The following TCERG1L variants were observed in gnomAD, a reference collection of about 807,000 sequenced individuals.
TCERG1L encodes transcription elongation regulator 1 like.
A neutral mutation model predicts 56.3 loss-of-function variants in TCERG1L; 37 were observed. The observed-to-expected ratio is 0.66, with a 90% CI of 0.51 to 0.87. The LOEUF is 0.87. Among genes scored for constraint, TCERG1L ranks in the 40% least tolerant of loss-of-function variants. The pLI is 0.00. For synonymous variants in TCERG1L, 324 were observed against 326.3 expected, an observed-to-expected ratio of 0.99 and a Z score of 0.08; for missense variants, 799 against 774.2, an observed-to-expected ratio of 1.03 and a Z score of -0.38.
At chr10:131,152,364 A>G (rs1482386490) in intron 6 of TCERG1L, among the ~76,000 whole-genome samples, 1 of 152,194 alleles carries the variant, frequency 6.6e-6, no homozygotes, top group Admixed American at 6.5e-5. Context: ...GTCTCTGCTA[A>G]AGCATAGCAA....
At chr10:131,265,591 T>G (rs1366707548) in intron 3 of TCERG1L, among the ~76,000 whole-genome samples, 1 of 152,214 alleles carries the variant, frequency 6.6e-6, no homozygotes, top group Non-Finnish European at 1.5e-5. Flanking sequence ...ACCACCACAA[T>G]AACGCAAATA....
intron 4 of TCERG1L, among the ~76,000 whole-genome samples, chr10:131,252,063 TC>T (rs1371029836): frequency 6.6e-6 from 1 of 152,218 alleles, no homozygotes; most frequent in Non-Finnish European, 1.5e-5. Flanking sequence ...TCAAGGTTCT[TC>T]CATGCTGAAG....
chr10:131,117,833 C>G (rs1845474640), intron 8 of TCERG1L, among the ~76,000 whole-genome samples: 1 of 152,252 alleles, frequency 6.6e-6, no homozygotes, highest in Non-Finnish European at 1.5e-5. Flanking sequence ...ACACTGGATT[C>G]TAAGAAGCAT....
rs1328097457 is a variant in TCERG1L at position 131,179,436 on chromosome 10, C to T, written c.857-12551G>A. 2.0e-5 allele frequency among the ~76,000 whole-genome samples: 3 copies of T among 152,216 alleles called. No homozygotes were observed. The South Asian group carries it at 6.2e-4, about 32-fold the overall frequency. ...GAAGAATGTGCCCCGCAGGGCACCA[C>T]ATCCCACGTGAGGCTGGTCTGCAGA... On this transcript the variant is annotated intron_variant, in intron 4 of 11. Coordinates refer to ENST00000368642, the MANE Select transcript of TCERG1L (RefSeq NM_174937.4).
chr10:131,134,333 G>A lies in TCERG1L; in HGVS notation c.1259+46C>T, dbSNP rs1032297894. 2.6e-6 allele frequency: 4 copies of A among 1,516,760 alleles called. No individual in the cohort carries two copies. In the Admixed American group the frequency reaches 7.7e-5, roughly 29 times the overall value. 94.0% of individuals were successfully genotyped at this position (1,516,760 alleles called of 1,614,324 possible). On this transcript the variant is annotated intron_variant, in intron 8 of 11. Transcript: ENST00000368642. Reference sequence around the variant, plus strand: ...TGCCTTTTCTTTCTACACCACCTGAGTACACAGTAGGGAAAGATCTGCTGG... The same window carrying A: ...TGCCTTTTCTTTCTACACCACCTGAATACACAGTAGGGAAAGATCTGCTGG...
intron 4 of TCERG1L, among the ~76,000 whole-genome samples, chr10:131,224,332 C>A (rs896990403): frequency 6.6e-6 from 1 of 152,160 alleles, no homozygotes; most frequent in Admixed American, 6.5e-5. Context: ...GCCAGCCTGG[C>A]CCCACTGTCC....
chr10:131,174,064 G>A (rs1166577935), intron 4 of TCERG1L, among the ~76,000 whole-genome samples: 4 of 152,164 alleles, frequency 2.6e-5, no homozygotes, highest in Admixed American at 6.5e-5. Flanking sequence ...CTAGGGGTCC[G>A]GAAGAGCCAG....
At chr10:131,250,771 G>T (rs1424546641) in intron 4 of TCERG1L, among the ~76,000 whole-genome samples, 1 of 152,152 alleles carries the variant, frequency 6.6e-6, no homozygotes, top group Non-Finnish European at 1.5e-5. Flanking sequence ...TGCCTGCTAT[G>T]AGCTCACTCA....
At chr10:131,285,780 G>A (rs927175712) in intron 3 of TCERG1L, among the ~76,000 whole-genome samples, 1 of 152,002 alleles carries the variant, frequency 6.6e-6, no homozygotes, top group Non-Finnish European at 1.5e-5. Context: ...ATTAAAAAAA[G>A]AAAAATGTGG....
intron 3 of TCERG1L, among the ~76,000 whole-genome samples, chr10:131,300,305 T>A (rs906141818): frequency 5.3e-5 from 8 of 152,218 alleles, no homozygotes; most frequent in Non-Finnish European, 8.8e-5. Flanking sequence ...CCTTTGTTCA[T>A]TACGTCTTCA....
At chr10:131,219,300 G>A (rs1845705109) in intron 4 of TCERG1L, among the ~76,000 whole-genome samples, 1 of 152,200 alleles carries the variant, frequency 6.6e-6, no homozygotes. Context: ...CTGTCCTTGA[G>A]CCAGGCAGGT....
chr10:131,185,112 T>C (rs956295095), intron 4 of TCERG1L, among the ~76,000 whole-genome samples: 6 of 151,916 alleles, frequency 3.9e-5, no homozygotes, highest in South Asian at 2.1e-4. Context: ...TAGAGACATA[T>C]AGATGTACAT....
chr10:131,259,838 G>GAGCA (rs1846214758), intron 4 of TCERG1L, among the ~76,000 whole-genome samples: 1 of 152,234 alleles, frequency 6.6e-6, no homozygotes, highest in Non-Finnish European at 1.5e-5. Flanking sequence ...TGCCTGGGGG[G>GAGCA]AGCAGCACAC....
chr10:131,120,664 G>A (rs569328835), intron 8 of TCERG1L, among the ~76,000 whole-genome samples: 1 of 152,344 alleles, frequency 6.6e-6, no homozygotes, highest in East Asian at 1.9e-4. Context: ...ATGGATGGAG[G>A]CTCAGACAGC....
rs770707101 is a variant in TCERG1L, at chr10:131,146,552, C to T, written c.1143G>A (p.Arg381=). The part of the protein sequence containing the change: ...MDLKDRGDLN[R]IIEDPPHKRK... ...GTTTGTGGGGCGGGTCCTCAATGAT[C>T]CTGTTGAGGTCTCCGCGGTCCTTCA... is the stretch of plus-strand genomic sequence containing the variant. Residue 381 remains arginine (R), a synonymous_variant, in exon 7 of 12, where the codon AGG becomes AGA. Transcript: ENST00000368642. 1 of 1,613,538 alleles carries T rather than the reference C, an allele frequency of 6.2e-7. No individual in the cohort carries two copies. Among genetic ancestry groups the T allele is most frequent in the African/African-American group, 1.3e-5 (1 of 74,900 alleles).
intron 4 of TCERG1L, among the ~76,000 whole-genome samples, chr10:131,201,007 G>A (rs1041259087): frequency 3.9e-5 from 6 of 152,182 alleles, no homozygotes; most frequent in Admixed American, 2.0e-4. Flanking sequence ...GGCGGATACA[G>A]AATCACGGCG....
intron 4 of TCERG1L, among the ~76,000 whole-genome samples, chr10:131,254,857 TG>T (rs1417418961): frequency 6.6e-6 from 1 of 152,228 alleles, no homozygotes; most frequent in Non-Finnish European, 1.5e-5. Flanking sequence ...CAAGTGTTTT[TG>T]TTTTGATTTC....
At position 131,172,050 on chromosome 10, in the gene TCERG1L, C is replaced by T. The variant is rs74875612; in HGVS notation, c.857-5165G>A. Among the ~76,000 whole-genome samples the T allele has an allele frequency of 7.8e-3, 1,190 of 152,272 alleles. 17 individuals carry two copies. The highest frequency in any genetic ancestry group is 0.027 in the African/African-American group (1,129 of 41,536). The stretch of plus-strand genomic sequence containing the variant: ...CAATTTTAATTCCATAAATATTGAC[C>T]TCCTTTGACCTCAGTTTCCTCATCC... On this transcript the variant is annotated intron_variant, in intron 4 of 11. Transcript: ENST00000368642.
intron 5 of TCERG1L, 57 bp downstream of exon 5, chr10:131,166,740 G>C: frequency 6.4e-7 from 1 of 1,556,026 alleles, no homozygotes; most frequent in Non-Finnish European, 8.8e-7. Context: ...TCCTGGCCCT[G>C]GTCCTCCACA....
Sources: gnomAD v4.1 joint callset for allele counts (sites outside exome capture counted in the v4.1 genomes callset) on GRCh38, gnomAD v4.1.1 for gene constraint, MANE v1.5 for transcripts, NCBI Gene and HGNC (gene_info 2026-07-23, HGNC 2026-07-21) for gene names.